Variants in GPC5 observed in about 807,000 individuals in gnomAD.
GPC5 encodes glypican 5.
In GPC5, 47 loss-of-function variants were observed where a neutral mutation model predicts 53.9. The observed-to-expected ratio is 0.87, with a 90% confidence interval of 0.69 to 1.11. The LOEUF is 1.11. Ranked by LOEUF, GPC5 falls within the 50% of genes most tolerant of loss-of-function variation. GPC5 has a pLI of 0.00. For missense variants in GPC5, 748 were observed against 713.1 expected, an observed-to-expected ratio of 1.05 and a Z score of -0.56; for synonymous variants, 286 against 263.3, an observed-to-expected ratio of 1.09 and a Z score of -0.84.
intron 2 of GPC5, among the ~76,000 whole-genome samples, chr13:91,572,213 GTATATATATACACA>G (rs1566517643): frequency 2.4e-5 from 2 of 84,530 alleles, no homozygotes; most frequent in Non-Finnish European, 2.2e-5. Context: ...ATATATACGT[GTATATATATACACA>G]TATGTATATA....
intron 7 of GPC5, among the ~76,000 whole-genome samples, chr13:92,520,327 AAAAG>A (rs1257334200): frequency 6.6e-6 from 1 of 152,170 alleles, no homozygotes; most frequent in Non-Finnish European, 1.5e-5. Flanking sequence ...ACACAACAAA[AAAAG>A]AGAATTTTAG....
At chr13:91,879,676 C>T (rs1327624016) in intron 5 of GPC5, among the ~76,000 whole-genome samples, 1 of 152,204 alleles carries the variant, frequency 6.6e-6, no homozygotes. Flanking sequence ...TCTCCAAAAA[C>T]CCTCACATTG....
At chr13:92,636,588 A>G (rs1885411078) in intron 7 of GPC5, among the ~76,000 whole-genome samples, 1 of 152,098 alleles carries the variant, frequency 6.6e-6, no homozygotes, top group South Asian at 2.1e-4. Flanking sequence ...AGTGCAGGTC[A>G]TAAGTCTCTG....
chr13:92,855,492 A>G (rs1177395224), intron 7 of GPC5, among the ~76,000 whole-genome samples: 1 of 152,032 alleles, frequency 6.6e-6, no homozygotes, highest in South Asian at 2.1e-4. Context: ...TTTTCAGCCA[A>G]CATTAATAGA....
chr13:92,761,312 A>C (rs1172684), intron 7 of GPC5, among the ~76,000 whole-genome samples: 151,250 of 152,302 alleles, frequency 0.99, 75,101 homozygotes, highest in East Asian at 1. Context: ...GGCCTATAGG[A>C]ATGCCCCTCT....
intron 7 of GPC5, among the ~76,000 whole-genome samples, chr13:92,745,561 G>A (rs936671404): frequency 6.6e-6 from 1 of 152,026 alleles, no homozygotes; most frequent in South Asian, 2.1e-4. Flanking sequence ...AGATGGCATT[G>A]CCTTTCTGAA....
intron 2 of GPC5, among the ~76,000 whole-genome samples, chr13:91,449,935 C>A (rs1422821955): frequency 6.6e-6 from 1 of 152,014 alleles, no homozygotes; most frequent in Non-Finnish European, 1.5e-5. Context: ...TTGGTCAATG[C>A]AGAATATAAC....
At chr13:92,401,772 T>C (rs1157784798) in intron 7 of GPC5, among the ~76,000 whole-genome samples, 1 of 152,188 alleles carries the variant, frequency 6.6e-6, no homozygotes, top group East Asian at 1.9e-4. Flanking sequence ...TTTAATTACC[T>C]GAGCATAAAT....
chr13:92,328,187 C>T (rs896348693), intron 7 of GPC5, among the ~76,000 whole-genome samples: 77 of 152,244 alleles, frequency 5.1e-4, no homozygotes, highest in African/African-American at 1.8e-3. Context: ...ACATGTCTGG[C>T]ACATCACAAT....
intron 6 of GPC5, among the ~76,000 whole-genome samples, chr13:91,955,661 A>G (rs1167715304): frequency 6.6e-6 from 1 of 152,134 alleles, no homozygotes; most frequent in African/African-American, 2.4e-5. Flanking sequence ...ATGGGCCCTA[A>G]GACTAACACA....
intron 7 of GPC5, among the ~76,000 whole-genome samples, chr13:92,562,784 C>T (rs528102684): frequency 7.2e-5 from 11 of 152,094 alleles, no homozygotes; most frequent in African/African-American, 2.4e-4. Flanking sequence ...TGTTTGACTT[C>T]GTCTTTTATG....
At chr13:92,505,468 C>A (rs1380220042) in intron 7 of GPC5, among the ~76,000 whole-genome samples, 1 of 151,934 alleles carries the variant, frequency 6.6e-6, no homozygotes, top group Non-Finnish European at 1.5e-5. Flanking sequence ...ATTCCTGGTG[C>A]TGGTGAGGTC....
chr13:92,659,558 A>G (rs1245286477), intron 7 of GPC5, among the ~76,000 whole-genome samples: 1 of 152,144 alleles, frequency 6.6e-6, no homozygotes, highest in Non-Finnish European at 1.5e-5. Flanking sequence ...TTATATAGAC[A>G]CTTTAAATTC....
At chr13:91,699,905 G>T (rs2035958599) in intron 3 of GPC5, among the ~76,000 whole-genome samples, 1 of 151,930 alleles carries the variant, frequency 6.6e-6, no homozygotes, top group Non-Finnish European at 1.5e-5. Flanking sequence ...ACAATTAATT[G>T]TTTCTATTTT....
chr13:92,244,522 C>T (rs1039197382), intron 7 of GPC5, among the ~76,000 whole-genome samples: 4 of 152,084 alleles, frequency 2.6e-5, no homozygotes, highest in South Asian at 2.1e-4. Flanking sequence ...AGATTTATAA[C>T]GTTATGGTCC....
At position 91,656,202 on chromosome 13, in the gene GPC5, T is replaced by C. The variant is rs1272531066; in HGVS notation, c.326-36985T>C. On this transcript the variant is annotated intron_variant, in intron 2 of 7. Coordinates refer to ENST00000377067, the MANE Select transcript of GPC5 (RefSeq NM_004466.6). ...CGTGGAGTAATTAAGGCACTTACAT[T>C]GACAGATGAATTTATTGTCCTATTT... 2.0e-5 allele frequency among the ~76,000 whole-genome samples: 3 copies of C among 152,180 alleles called. No homozygotes were observed. The East Asian group carries it at 5.8e-4, about 29-fold the overall frequency.
At chr13:92,253,305 A>G (rs2042704862) in intron 7 of GPC5, among the ~76,000 whole-genome samples, 1 of 152,096 alleles carries the variant, frequency 6.6e-6, no homozygotes, top group Non-Finnish European at 1.5e-5. Flanking sequence ...AAGTCTCTGA[A>G]GGGTTTGGAC....
intron 7 of GPC5, among the ~76,000 whole-genome samples, chr13:92,604,383 TAC>T (rs1454248474): frequency 1.3e-5 from 2 of 152,176 alleles, no homozygotes; most frequent in Admixed American, 1.3e-4. Flanking sequence ...AATATAAGGC[TAC>T]ACAAATAAAA....
chr13:92,711,472 A>ATTG (rs1424632495), intron 7 of GPC5, among the ~76,000 whole-genome samples: 1 of 152,072 alleles, frequency 6.6e-6, no homozygotes, highest in Non-Finnish European at 1.5e-5. Flanking sequence ...TTCCTAGTTG[A>ATTG]TTGTTGAAGA....
Sources: gnomAD v4.1 joint callset for allele counts (sites outside exome capture counted in the v4.1 genomes callset) on GRCh38, gnomAD v4.1.1 for gene constraint, MANE v1.5 for transcripts, NCBI Gene and HGNC (gene_info 2026-07-23, HGNC 2026-07-21) for gene names.